AKAP9: variants seen among roughly 807,000 people sequenced by gnomAD.
AKAP9 encodes the protein A-kinase anchoring protein 9.
In AKAP9, 311 loss-of-function variants were observed where a neutral mutation model predicts 488.5. The observed-to-expected ratio is 0.64, with a 90% CI of 0.58 to 0.70. The LOEUF (loss-of-function observed/expected upper bound fraction) is 0.70, where lower values mean the gene tolerates loss of function less well. Ranked by LOEUF, AKAP9 falls within the 30% of genes least tolerant of loss-of-function variation. The pLI, the probability that AKAP9 is intolerant of heterozygous loss-of-function variation, is 0.00. For synonymous variants in AKAP9, 1,462 were observed against 1,483.5 expected, an observed-to-expected ratio of 0.99 and a Z score of 0.33; for missense variants, 4,215 against 4,374.5, an observed-to-expected ratio of 0.96 and a Z score of 1.03.
At chr7:92,102,154 T>A (rs1817605379) in intron 45 of AKAP9, among the ~76,000 whole-genome samples, 1 of 89,498 alleles carries the variant, frequency 1.1e-5, no homozygotes, top group African/African-American at 5.8e-5. Flanking sequence ...AGACTCCGTC[T>A]CATAAATTTA....
rs896466092 is a variant in AKAP9 at position 92,079,049 on chromosome 7, A to G, written c.6946-30A>G. 30 of 1,453,526 alleles carry G rather than the reference A, an allele frequency of 2.1e-5. 1 individual carries two copies. In the African/African-American group the frequency reaches 2.6e-4, roughly 13 times the overall value. The allele number at this position is 1,453,526 out of a possible 1,614,324, so 90.0% of individuals were successfully genotyped here. On this transcript the variant is annotated intron_variant, in intron 30 of 49. Transcript: ENST00000356239. ...TTCAAAATGTAAATACATATATATT[A>G]TGTATGTTACCTTTTTCATTAATTA...
At chr7:92,063,564 G>A (rs1007902623) in intron 24 of AKAP9, 35 of 910,698 alleles carry the variant, frequency 3.8e-5, no homozygotes, top group Admixed American at 6.2e-5. Flanking sequence ...AAATGTGGGT[G>A]ACCTGGATTT....
intron 5 of AKAP9, among the ~76,000 whole-genome samples, chr7:91,993,413 G>A (rs1798025594): frequency 6.6e-6 from 1 of 152,044 alleles, no homozygotes. Context: ...GCCTCCCAAA[G>A]TGCTAGGATT....
Position 92,040,686 on chromosome 7 carries a change from A to G in AKAP9, c.4705A>G (p.Ile1569Val). The G allele has an allele frequency of 6.4e-7, 1 of 1,560,010 alleles. No individual in the cohort carries two copies. Among genetic ancestry groups the G allele is most frequent in the Non-Finnish European group, 8.8e-7 (1 of 1,137,320 alleles). The change falls in exon 18 of 50, where the codon ATT becomes GTT. Residue 1569 changes from isoleucine to valine, a missense_variant. Around this residue, in one of 5 missense-constraint regions of AKAP9, gnomAD observed 2,361 missense variants for 2,430.0 expected, o/e 0.97. Transcript: ENST00000356239. Reference protein sequence around the residue: ...FIVRQSIHDEISVSSMDASRQ... With the variant: ...FIVRQSIHDEVSVSSMDASRQ... Reference sequence around the variant, plus strand: ...TTTACTATTAAAGATTCATGATGAGATTTCAGTGTCAAGCATGGATGCTTC... The same window carrying G: ...TTTACTATTAAAGATTCATGATGAGGTTTCAGTGTCAAGCATGGATGCTTC...
At chr7:91,978,761 A>G (rs1292313776) in intron 2 of AKAP9, among the ~76,000 whole-genome samples, 1 of 150,644 alleles carries the variant, frequency 6.6e-6, no homozygotes, top group Non-Finnish European at 1.5e-5. Context: ...TTTAATTATT[A>G]TTATTATTTT....
At chr7:92,029,436 A>G (rs1006111897) in intron 14 of AKAP9, among the ~76,000 whole-genome samples, 2 of 152,198 alleles carry the variant, frequency 1.3e-5, no homozygotes, top group African/African-American at 4.8e-5. Context: ...TAAAAGTGAG[A>G]TTTTACAAAC....
At chr7:91,966,644 T>C (rs1455941672) in intron 1 of AKAP9, among the ~76,000 whole-genome samples, 1 of 152,220 alleles carries the variant, frequency 6.6e-6, no homozygotes, top group African/African-American at 2.4e-5. Context: ...ATGAGTTGAC[T>C]GTAAGTGTGT....
At chr7:92,108,753 A>G in intron 49 of AKAP9, 120 bp downstream of exon 49, 1 of 1,211,742 alleles carries the variant, frequency 8.3e-7, no homozygotes, top group Non-Finnish European at 1.2e-6. Context: ...TGCATGAGCT[A>G]ATTATTAAGT....
chr7:92,030,515 G>A (rs946565430), intron 15 of AKAP9, among the ~76,000 whole-genome samples: 2 of 152,066 alleles, frequency 1.3e-5, no homozygotes, highest in Admixed American at 6.6e-5. Flanking sequence ...GGTGGCACTC[G>A]CCTGTAGTCC....
intron 1 of AKAP9, among the ~76,000 whole-genome samples, chr7:91,954,111 A>G (rs1792637510): frequency 6.6e-6 from 1 of 152,104 alleles, no homozygotes; most frequent in South Asian, 2.1e-4. Context: ...CTGAAAAGCC[A>G]TTGGAAACTG....
chr7:92,017,821 G>C (rs1171958648), intron 12 of AKAP9, among the ~76,000 whole-genome samples: 3 of 151,796 alleles, frequency 2.0e-5, no homozygotes, highest in African/African-American at 7.3e-5. Context: ...GTTTCTTCTT[G>C]CCTACTCTGT....
At position 92,083,553 on chromosome 7, in the gene AKAP9, A is replaced by G; in HGVS notation, c.8544A>G (p.Ser2848=). Residue 2848 remains serine, a synonymous_variant, in exon 33 of 50, where the codon TCA becomes TCG. Transcript: ENST00000356239. ...EILDMESRHI[S]ETETLKREHY... ...TGGACATGGAATCCAGACATATTTCAGAAACTGAAACCTTAAAGAGGGAAC... is the reference window on the plus strand; with the variant it reads ...TGGACATGGAATCCAGACATATTTCGGAAACTGAAACCTTAAAGAGGGAAC... The G allele has an allele frequency of 1.2e-6, 2 of 1,600,988 alleles. No individual in the cohort carries two copies. Among genetic ancestry groups the G allele is most frequent in the Non-Finnish European group, 1.7e-6 (2 of 1,174,534 alleles).
intron 43 of AKAP9, 23 bp from the exon 44 acceptor site, chr7:92,099,664 C>G: frequency 6.2e-7 from 1 of 1,613,164 alleles, no homozygotes; most frequent in Non-Finnish European, 8.5e-7. Context: ...CTTAAGTGAC[C>G]TTACACCATT....
chr7:92,036,489 T>C lies in AKAP9; in HGVS notation c.4339-1930T>C, dbSNP rs531515252. ...GTAGAGATGAGGTATTTGTTTTTAT[T>C]ATAATTCATTGATCATCTTGAATCT... On this transcript the variant is annotated intron_variant, in intron 16 of 49. Transcript: ENST00000356239. Among the ~76,000 whole-genome samples, 3 of 152,208 alleles carry C rather than the reference T, an allele frequency of 2.0e-5. 1 individual carries two copies. Among genetic ancestry groups the C allele is most frequent in the Admixed American group, 2.0e-4 (3 of 15,276 alleles).
At chr7:91,962,609 CT>C (rs1484445638) in intron 1 of AKAP9, among the ~76,000 whole-genome samples, 7 of 152,054 alleles carry the variant, frequency 4.6e-5, no homozygotes, top group African/African-American at 1.2e-4. Flanking sequence ...AAAGAAAGCC[CT>C]AACCCTCAGT....
At chr7:92,049,629 AAAAT>A (rs1009864298) in intron 21 of AKAP9, among the ~76,000 whole-genome samples, 10 of 152,120 alleles carry the variant, frequency 6.6e-5, no homozygotes, top group East Asian at 5.8e-4. Flanking sequence ...TAATAATAAT[AAAAT>A]AAATAAATAA....
At chr7:91,970,471 A>G (rs1472218434) in intron 1 of AKAP9, 1 of 456,678 alleles carries the variant, frequency 2.2e-6, no homozygotes, top group African/African-American at 2.0e-5. Flanking sequence ...TTTTTCTTTC[A>G]GATTGAAGAA....
intron 8 of AKAP9, among the ~76,000 whole-genome samples, chr7:92,004,377 A>C (rs942961471): frequency 2.0e-5 from 3 of 152,122 alleles, no homozygotes; most frequent in Admixed American, 6.5e-5. Context: ...TCCTGATGGG[A>C]ATGGCATTGA....
rs1801533247 is a variant in AKAP9, at chr7:92,016,557, A to T, written c.3751+290A>T. Reference sequence around the variant, plus strand: ...ATTCTTTTAACTTTTTATACCATAGATCCAAATTTTTAAAGTTATTGTATT... The same window carrying T: ...ATTCTTTTAACTTTTTATACCATAGTTCCAAATTTTTAAAGTTATTGTATT... On this transcript the variant is annotated intron_variant, in intron 11 of 49. Coordinates refer to ENST00000356239, the MANE Select transcript of AKAP9 (RefSeq NM_005751.5). Among the ~76,000 whole-genome samples the T allele has an allele frequency of 2.0e-5, 3 of 152,012 alleles. No individual in the cohort carries two copies. The South Asian group carries it at 6.2e-4, about 31-fold the overall frequency.
Sources: gnomAD v4.1 joint callset for allele counts (sites outside exome capture counted in the v4.1 genomes callset) on GRCh38, gnomAD v4.1.1 for gene constraint, gnomAD v4.1.1 regional missense constraint, MANE v1.5 for transcripts, NCBI Gene and HGNC (gene_info 2026-07-23, HGNC 2026-07-21) for gene names.